The following GAPDH variants were observed in gnomAD, a reference collection of about 807,000 sequenced individuals.
GAPDH encodes the protein glyceraldehyde-3-phosphate dehydrogenase.
GAPDH carries 13 observed loss-of-function variants against 31.2 expected under a neutral mutation model. That is an observed-to-expected ratio of 0.42 (90% CI 0.27 to 0.66). The LOEUF (loss-of-function observed/expected upper bound fraction) is 0.66. Ranked by LOEUF, GAPDH falls within the 30% of genes least tolerant of loss-of-function variation. GAPDH has a pLI of 0.26. For synonymous variants in GAPDH, 211 were observed against 166.9 expected (o/e 1.26, Z -2.04); for missense variants, 300 against 443.7 (o/e 0.68, Z 2.91).
In GAPDH at chr12:6,537,001, G is replaced by A. The variant is rs11549374; in HGVS notation, c.318G>A (p.Glu106=). The change falls in exon 5 of 9, where the codon GAG becomes GAA. Residue 106 remains glutamate (E), a synonymous_variant. Transcript: ENST00000229239. This position sits in a 1 kb window ranked among gnomAD's most constrained non-coding sequence, Gnocchi z 4.9. Reference sequence around the variant, plus strand: ...CCACTGGCGTCTTCACCACCATGGAGAAGGCTGGGGTGAGTGCAGGAGGGC... The same window carrying A: ...CCACTGGCGTCTTCACCACCATGGAAAAGGCTGGGGTGAGTGCAGGAGGGC... ...VESTGVFTTM[E]KAGAHLQGGA... is the part of the protein sequence containing the mutation. The A allele has an allele frequency of 6.2e-7, 1 of 1,613,900 alleles. No homozygotes were observed. Among genetic ancestry groups the A allele is most frequent in the Non-Finnish European group, 8.5e-7 (1 of 1,179,842 alleles).
In GAPDH at chr12:6,538,295, G is replaced by A; in HGVS notation, c.*125G>A. ...CTCCCCTCCTCACAGTTGCCATGTAGACCCCTTGAAGAGGGGAGGGGCCTA... is the reference window on the plus strand; with the variant it reads ...CTCCCCTCCTCACAGTTGCCATGTAAACCCCTTGAAGAGGGGAGGGGCCTA... On this transcript the variant is annotated 3_prime_UTR_variant, in exon 9 of 9. Transcript: ENST00000229239. The A allele has an allele frequency of 2.5e-6, 2 of 794,146 alleles. No homozygotes were observed. The highest frequency in any genetic ancestry group is 2.9e-5 in the South Asian group (2 of 68,884). 49.2% of individuals were successfully genotyped at this position (794,146 alleles called of 1,614,324 possible).
Position 6,537,577 on chromosome 12 carries a change from T to G in GAPDH, c.526-7T>G, listed in dbSNP as rs187750764. 1.7e-4 allele frequency: 279 copies of G among 1,598,318 alleles called. No homozygotes were observed. In the East Asian group the frequency reaches 6.1e-3, roughly 35 times the overall value. ...GAGTACGCTGCAGGGCCTCACTCCT[T>G]TTGCAGACCACAGTCCATGCCATCA... is the stretch of plus-strand genomic sequence containing the variant. On this transcript the variant is annotated splice_region_variant and splice_polypyrimidine_tract_variant and intron_variant, in intron 7 of 8. Coordinates refer to ENST00000229239, the MANE Select transcript of GAPDH (RefSeq NM_002046.7). This position sits in a 1 kb window ranked among gnomAD's most constrained non-coding sequence, Gnocchi z 4.9.
At chr12:6,535,956 A>T (rs778145427) in intron 2 of GAPDH, among the ~76,000 whole-genome samples, 1 of 152,150 alleles carries the variant, frequency 6.6e-6, no homozygotes, top group Admixed American at 6.5e-5. Context: ...TGGCAAATCA[A>T]AGCCCTGGGA....
At position 6,537,108 on chromosome 12, in the gene GAPDH, T is replaced by A. The variant is rs1946489213; in HGVS notation, c.335T>A (p.Leu112Ter). The change falls in exon 6 of 9, where the codon TTG becomes TAG. Residue 112 changes from leucine to a stop codon, truncating the protein, a stop_gained. Transcript: ENST00000229239. LOFTEE classifies it high-confidence loss of function. This position sits in a 1 kb window ranked among gnomAD's most constrained non-coding sequence, Gnocchi z 4.9. ...FTTMEKAGAH[L>*]QGGAKRVIIS... ...TCTGCTTCTCTGCTGTAGGCTCATTTGCAGGGGGGAGCCAAAAGGGTCATC... is the reference window on the plus strand; with the variant it reads ...TCTGCTTCTCTGCTGTAGGCTCATTAGCAGGGGGGAGCCAAAAGGGTCATC... 1 of 1,613,664 alleles carries A rather than the reference T, an allele frequency of 6.2e-7. No individual in the cohort carries two copies.
chr12:6,536,546 G>A lies in GAPDH; in HGVS notation c.82G>A (p.Val28Met), dbSNP rs1565552923. ...VTRAAFNSGK[V>M]DIVAINDPFI... ...CAGGGCTGCTTTTAACTCTGGTAAAGTGGATATTGTTGCCATCAATGACCC... is the reference window on the plus strand; with the variant it reads ...CAGGGCTGCTTTTAACTCTGGTAAAATGGATATTGTTGCCATCAATGACCC... Residue 28 changes from valine (V) to methionine (M), a missense_variant, in exon 3 of 9, where the codon GTG becomes ATG. By Grantham distance (21) the Val-to-Met change is conservative. Transcript: ENST00000229239. 3 of 1,613,770 alleles carry A rather than the reference G, an allele frequency of 1.9e-6. No homozygotes were observed. Among genetic ancestry groups the A allele is most frequent in the Non-Finnish European group, 2.5e-6 (3 of 1,180,012 alleles).
At position 6,537,574 on chromosome 12, in the gene GAPDH, C is replaced by T; in HGVS notation, c.526-10C>T. Reference sequence around the variant, plus strand: ...GGGGAGTACGCTGCAGGGCCTCACTCCTTTTGCAGACCACAGTCCATGCCA... The same window carrying T: ...GGGGAGTACGCTGCAGGGCCTCACTTCTTTTGCAGACCACAGTCCATGCCA... On this transcript the variant is annotated splice_polypyrimidine_tract_variant and intron_variant, in intron 7 of 8. Coordinates refer to ENST00000229239, the MANE Select transcript of GAPDH (RefSeq NM_002046.7). This position sits in a 1 kb window ranked among gnomAD's most constrained non-coding sequence, Gnocchi z 4.9. The T allele has an allele frequency of 6.2e-7, 1 of 1,601,474 alleles. No individual in the cohort carries two copies. Among genetic ancestry groups the T allele is most frequent in the Non-Finnish European group, 8.5e-7 (1 of 1,177,660 alleles).
At chr12:6,535,799 C>G (rs1333377788) in intron 2 of GAPDH, among the ~76,000 whole-genome samples, 2 of 152,194 alleles carry the variant, frequency 1.3e-5, no homozygotes, top group African/African-American at 2.4e-5. Context: ...CCACCGCACC[C>G]TGGTCTGAGG....
In GAPDH at chr12:6,534,543, C is replaced by G. The variant is rs906493212; in HGVS notation, c.-50C>G. The G allele has an allele frequency of 9.9e-6, 5 of 503,942 alleles. No individual in the cohort carries two copies. Among genetic ancestry groups the G allele is most frequent in the African/African-American group, 4.2e-5 (2 of 48,038 alleles). 31.2% of individuals were successfully genotyped at this position (503,942 alleles called of 1,614,324 possible). A position where few individuals can be genotyped will look rare whatever the true frequency, so the allele number is the denominator to read the frequency against. ...CTCTCTGCTCCTCCTGTTCGACAGT[C>G]AGCCGCATCTTCTTTTGCGTCGCCA... On this transcript the variant is annotated 5_prime_UTR_variant, in exon 1 of 9. Transcript: ENST00000229239.
intron 2 of GAPDH, chr12:6,535,209 C>A (rs896229685): frequency 3.6e-6 from 4 of 1,103,996 alleles, no homozygotes; most frequent in Admixed American, 4.7e-5. Flanking sequence ...GCCCCTCCCC[C>A]ACGGCCTCCG....
intron 1 of GAPDH, 106 bp downstream of exon 1, chr12:6,534,675 G>T: frequency 1.2e-6 from 1 of 806,522 alleles, no homozygotes; most frequent in Admixed American, 2.0e-5. Flanking sequence ...GGCCCGGGCG[G>T]CCTCCGCATT....
At position 6,537,921 on chromosome 12, in the gene GAPDH, G is replaced by C. The variant is rs568135688; in HGVS notation, c.863G>C (p.Ser288Thr). ...CAGGTGGTCTCCTCTGACTTCAACA[G>C]CGACACCCACTCCTCCACCTTTGAC... ...EHQVVSSDFN[S>T]DTHSSTFDAG... Residue 288 changes from serine (S) to threonine (T), a missense_variant, in exon 8 of 9, where the codon AGC (serine) becomes ACC (threonine). Physicochemically the swap from Ser to Thr is moderately conservative, Grantham distance 58. Transcript: ENST00000229239. The surrounding 1 kb of genome is among the most constrained non-coding windows in gnomAD (Gnocchi z 4.9). 1 of 1,614,148 alleles carries C rather than the reference G, an allele frequency of 6.2e-7. No homozygotes were observed. The highest frequency in any genetic ancestry group is 1.1e-5 in the South Asian group (1 of 91,080).
chr12:6,535,597 G>T, intron 2 of GAPDH: 2 of 317,344 alleles, frequency 6.3e-6, no homozygotes, highest in Non-Finnish European at 9.1e-6. Flanking sequence ...CATTTCCACC[G>T]CAAAATGGCC....
At chr12:6,535,071 C>G in intron 2 of GAPDH, 2 of 780,040 alleles carry the variant, frequency 2.6e-6, no homozygotes, top group Non-Finnish European at 3.9e-6. Flanking sequence ...GCCATCTGCC[C>G]GGAGCCTCCT....
chr12:6,537,982 C>T lies in GAPDH; in HGVS notation c.924C>T (p.Val308=). 1 of 1,613,224 alleles carries T rather than the reference C, an allele frequency of 6.2e-7. No individual in the cohort carries two copies. Among genetic ancestry groups the T allele is most frequent in the Non-Finnish European group, 8.5e-7 (1 of 1,179,336 alleles). The change falls in exon 8 of 9, where the codon GTC becomes GTT. Residue 308 remains valine (V), a synonymous_variant. Transcript: ENST00000229239. This position sits in a 1 kb window ranked among gnomAD's most constrained non-coding sequence, Gnocchi z 4.9. Reference sequence around the variant, plus strand: ...GCATTGCCCTCAACGACCACTTTGTCAAGCTCATTTCCTGGTATGTGGCTG... The same window carrying T: ...GCATTGCCCTCAACGACCACTTTGTTAAGCTCATTTCCTGGTATGTGGCTG... ...GAGIALNDHF[V]KLISWYDNEF... is the part of the protein sequence containing the mutation.
In GAPDH at chr12:6,537,836, A is replaced by G; in HGVS notation, c.778A>G (p.Lys260Glu). 5.6e-6 allele frequency: 9 copies of G among 1,612,480 alleles called. No individual in the cohort carries two copies. Among genetic ancestry groups the G allele is most frequent in the South Asian group, 1.1e-5 (1 of 91,014 alleles). The stretch of plus-strand genomic sequence containing the variant: ...ACCTGCCAAATATGATGACATCAAG[A>G]AGGTGGTGAAGCAGGCGTCGGAGGG... ...EKPAKYDDIKKVVKQASEGPL... is the reference protein window; with the variant it reads ...EKPAKYDDIKEVVKQASEGPL... The change falls in exon 8 of 9, where the codon AAG (lysine) becomes GAG (glutamate). Residue 260 changes from lysine to glutamate, a missense_variant. Transcript: ENST00000229239. This position sits in a 1 kb window ranked among gnomAD's most constrained non-coding sequence, Gnocchi z 4.9.
At position 6,537,760 on chromosome 12, in the gene GAPDH, T is replaced by A; in HGVS notation, c.702T>A (p.Arg234=). The change falls in exon 8 of 9, where the codon CGT becomes CGA. Residue 234 remains arginine, a synonymous_variant. Transcript: ENST00000229239. This position sits in a 1 kb window ranked among gnomAD's most constrained non-coding sequence, Gnocchi z 4.9. ...LNGKLTGMAF[R]VPTANVSVVD... is the part of the protein sequence containing the mutation. ...GGAAGCTCACTGGCATGGCCTTCCGTGTCCCCACTGCCAACGTGTCAGTGG... is the reference window on the plus strand; with the variant it reads ...GGAAGCTCACTGGCATGGCCTTCCGAGTCCCCACTGCCAACGTGTCAGTGG... 1 of 1,611,796 alleles carries A rather than the reference T, an allele frequency of 6.2e-7. No individual in the cohort carries two copies. Among genetic ancestry groups the A allele is most frequent in the African/African-American group, 1.3e-5 (1 of 74,996 alleles).
At chr12:6,535,870 C>CTTCT (rs1227543648) in intron 2 of GAPDH, among the ~76,000 whole-genome samples, 1 of 152,190 alleles carries the variant, frequency 6.6e-6, no homozygotes, top group Admixed American at 6.5e-5. Flanking sequence ...TCTCCCATCC[C>CTTCT]TTCTCCCCAC....
At position 6,537,408 on chromosome 12, in the gene GAPDH, T is replaced by C. The variant is rs1455540143; in HGVS notation, c.525+18T>C. On this transcript the variant is annotated intron_variant, in intron 7 of 8. Coordinates refer to ENST00000229239, the MANE Select transcript of GAPDH (RefSeq NM_002046.7). The surrounding 1 kb of genome is among the most constrained non-coding windows in gnomAD (Gnocchi z 4.9). ...GACTCATGGTATGAGAGCTGGGGAA[T>C]GGGACTGAGGCTCCCACCTTTCTCA... The C allele has an allele frequency of 6.2e-7, 1 of 1,604,722 alleles. No homozygotes were observed. Among genetic ancestry groups the C allele is most frequent in the East Asian group, 2.2e-5 (1 of 44,828 alleles).
Position 6,537,342 on chromosome 12 carries a change from C to G in GAPDH, c.477C>G (p.Pro159=). The G allele has an allele frequency of 6.2e-7, 1 of 1,610,182 alleles. No individual in the cohort carries two copies. The highest frequency in any genetic ancestry group is 8.5e-7 in the Non-Finnish European group (1 of 1,179,982). The stretch of plus-strand genomic sequence containing the variant: ...CCTGCACCACCAACTGCTTAGCACC[C>G]CTGGCCAAGGTCATCCATGACAACT... ...NASCTTNCLA[P]LAKVIHDNFG... Residue 159 remains proline (P), a synonymous_variant, in exon 7 of 9, where the codon CCC becomes CCG. Transcript: ENST00000229239. The surrounding 1 kb of genome is among the most constrained non-coding windows in gnomAD (Gnocchi z 4.9).
Sources: allele counts gnomAD v4.1 joint callset (sites outside exome capture counted in the v4.1 genomes callset), GRCh38; gene constraint gnomAD v4.1.1; non-coding constraint Gnocchi (gnomAD v3.1); transcripts MANE v1.5; gene names NCBI Gene and HGNC (gene_info 2026-07-23, HGNC 2026-07-21).